EHBP1: variants seen among roughly 807,000 people sequenced by gnomAD.
EHBP1 encodes EH domain-binding protein 1.
Under a neutral mutation model 144.0 loss-of-function variants are expected in EHBP1, and 55 were observed. That is an observed-to-expected ratio of 0.38 (90% CI 0.31 to 0.48). The LOEUF is 0.48. Among genes scored for constraint, EHBP1 ranks in the 20% least tolerant of loss-of-function variants. The pLI, the probability that EHBP1 is intolerant of heterozygous loss-of-function variation, is 0.98. For missense variants in EHBP1, 1,200 were observed against 1,364.2 expected (o/e 0.88, Z 1.90); for synonymous variants, 469 against 472.7 (o/e 0.99, Z 0.10).
At chr2:62,760,822 T>C (rs2152303699) in intron 3 of EHBP1, among the ~76,000 whole-genome samples, 1 of 152,348 alleles carries the variant, frequency 6.6e-6, no homozygotes, top group South Asian at 2.1e-4. Context: ...AACCATTTAC[T>C]CTTTGCTTGC....
chr2:62,891,427 G>A (rs978110760), intron 10 of EHBP1, among the ~76,000 whole-genome samples: 6 of 152,084 alleles, frequency 3.9e-5, no homozygotes, highest in African/African-American at 7.2e-5. Flanking sequence ...CAAGCCTTTC[G>A]TGTTTGAACT....
intron 14 of EHBP1, among the ~76,000 whole-genome samples, chr2:62,973,770 T>G (rs1229091796): frequency 1.3e-5 from 2 of 152,008 alleles, no homozygotes; most frequent in Non-Finnish European, 2.9e-5. Context: ...GAGGCCAAGG[T>G]GCGTGGATCA....
chr2:62,765,819 C>T (rs2041134972), intron 4 of EHBP1, among the ~76,000 whole-genome samples: 1 of 152,120 alleles, frequency 6.6e-6, no homozygotes, highest in Non-Finnish European at 1.5e-5. Flanking sequence ...GGTATGATGT[C>T]TCCCCTGCAT....
intron 10 of EHBP1, among the ~76,000 whole-genome samples, chr2:62,898,053 G>A (rs890501926): frequency 1.3e-5 from 2 of 152,120 alleles, no homozygotes; most frequent in East Asian, 1.9e-4. Flanking sequence ...CAAAAAAGGC[G>A]GTGAGCGGAA....
chr2:62,843,472 G>C (rs2048067470), intron 7 of EHBP1, among the ~76,000 whole-genome samples: 1 of 152,102 alleles, frequency 6.6e-6, no homozygotes, highest in Non-Finnish European at 1.5e-5. Flanking sequence ...GTGGGGCAGT[G>C]GGTGTCTAGA....
At chr2:62,998,047 TA>T (rs1171656973) in intron 19 of EHBP1, among the ~76,000 whole-genome samples, 5 of 150,684 alleles carry the variant, frequency 3.3e-5, no homozygotes, top group South Asian at 2.1e-4. Flanking sequence ...AAATACTTTT[TA>T]AAAAAAACTA....
chr2:62,863,837 G>GTTTT (rs1354945636), intron 8 of EHBP1, among the ~76,000 whole-genome samples: 1,508 of 74,282 alleles, frequency 0.02, 313 homozygotes, highest in Middle Eastern at 0.026. Context: ...ATTTTTCTGT[G>GTTTT]TTGTTTTTTT....
intron 9 of EHBP1, among the ~76,000 whole-genome samples, chr2:62,867,730 T>G (rs1441046364): frequency 6.6e-6 from 1 of 152,156 alleles, no homozygotes; most frequent in Admixed American, 6.5e-5. Flanking sequence ...TATGTGGAAA[T>G]GAAAGGGACT....
intron 19 of EHBP1, among the ~76,000 whole-genome samples, chr2:63,012,991 A>C (rs898685802): frequency 6.6e-6 from 1 of 152,228 alleles, no homozygotes; most frequent in Non-Finnish European, 1.5e-5. Flanking sequence ...AAAAGAAAAG[A>C]AAATGAAGAA....
intron 14 of EHBP1, among the ~76,000 whole-genome samples, chr2:62,958,602 C>T (rs1280153757): frequency 2.0e-5 from 3 of 152,092 alleles, no homozygotes; most frequent in Non-Finnish European, 4.4e-5. Context: ...AGATTTATAG[C>T]TTTATTGTGT....
chr2:62,751,581 C>G (rs867317405), intron 3 of EHBP1, among the ~76,000 whole-genome samples: 3 of 152,152 alleles, frequency 2.0e-5, no homozygotes, highest in Non-Finnish European at 4.4e-5. Context: ...CCTTGTACCT[C>G]CGGTAGAATT....
intron 2 of EHBP1, among the ~76,000 whole-genome samples, chr2:62,722,565 C>T (rs964165553): frequency 2.0e-5 from 3 of 152,052 alleles, no homozygotes; most frequent in Non-Finnish European, 4.4e-5. Context: ...TCCATTGATA[C>T]CAAAAGAAGA....
chr2:62,939,603 T>C (rs779379182), intron 10 of EHBP1, among the ~76,000 whole-genome samples: 4 of 151,940 alleles, frequency 2.6e-5, no homozygotes, highest in East Asian at 1.9e-4. Context: ...ATGGTGAGAA[T>C]AGGCCTAATG....
At chr2:62,788,403 GA>G (rs1360908618) in intron 5 of EHBP1, among the ~76,000 whole-genome samples, 1 of 151,862 alleles carries the variant, frequency 6.6e-6, no homozygotes, top group Admixed American at 6.6e-5. Context: ...AGTATAGGTG[GA>G]GGGGTGGGTA....
intron 1 of EHBP1, among the ~76,000 whole-genome samples, chr2:62,695,347 C>T (rs1354298220): frequency 1.3e-5 from 2 of 151,758 alleles, no homozygotes; most frequent in African/African-American, 2.4e-5. Flanking sequence ...GATGACAGAG[C>T]GAGACTCTGT....
intron 5 of EHBP1, among the ~76,000 whole-genome samples, chr2:62,793,906 C>T (rs1297086512): frequency 6.6e-6 from 1 of 152,068 alleles, no homozygotes; most frequent in Non-Finnish European, 1.5e-5. Flanking sequence ...GTCAGAGGAA[C>T]TATCTGTGAA....
At chr2:62,989,207 T>TA (rs2059315776) in intron 15 of EHBP1, among the ~76,000 whole-genome samples, 10 of 152,236 alleles carry the variant, frequency 6.6e-5, no homozygotes, top group East Asian at 1.9e-4. Context: ...TGATTTTTTT[T>TA]TAAAAAAACA....
At chr2:62,839,844 C>A (rs2047648730) in intron 7 of EHBP1, among the ~76,000 whole-genome samples, 1 of 152,102 alleles carries the variant, frequency 6.6e-6, no homozygotes, top group South Asian at 2.1e-4. Context: ...AAAGAGGATA[C>A]AAACAAATGG....
At chr2:62,973,053 A>G (rs1265640278) in intron 14 of EHBP1, among the ~76,000 whole-genome samples, 1 of 152,186 alleles carries the variant, frequency 6.6e-6, no homozygotes, top group African/African-American at 2.4e-5. Flanking sequence ...TAGTATTTAG[A>G]GTTGGTTTTA....
Sources: gnomAD v4.1 joint callset for allele counts (sites outside exome capture counted in the v4.1 genomes callset) on GRCh38, gnomAD v4.1.1 for gene constraint, MANE v1.5 for transcripts, NCBI Gene and HGNC (gene_info 2026-07-23, HGNC 2026-07-21) for gene names.